Variants in BMP2K observed in about 807,000 individuals in gnomAD.
The protein encoded by BMP2K is BMP2 inducible kinase, also known as BMP-2-inducible protein kinase.
In BMP2K, 74 loss-of-function variants were observed where a neutral mutation model predicts 116.0. The ratio of observed to expected loss-of-function variants is 0.64; its 90% CI spans 0.53 to 0.77. The LOEUF is 0.77. BMP2K is among the 30% of genes least tolerant of loss of function. BMP2K has a pLI of 0.00. For missense variants in BMP2K, 1,365 were observed against 1,403.6 expected, an observed-to-expected ratio of 0.97 and a Z score of 0.44; for synonymous variants, 486 against 502.5, an observed-to-expected ratio of 0.97 and a Z score of 0.44.
chr4:78,790,267 C>T (rs186584197), intron 1 of BMP2K, among the ~76,000 whole-genome samples: 4 of 152,218 alleles, frequency 2.6e-5, no homozygotes, highest in Admixed American at 2.6e-4. Flanking sequence ...CTAAACTAAA[C>T]TTACTTGGAA....
At chr4:78,869,672 T>C (rs1454970186) in intron 10 of BMP2K, among the ~76,000 whole-genome samples, 1 of 152,156 alleles carries the variant, frequency 6.6e-6, no homozygotes, top group Non-Finnish European at 1.5e-5. Context: ...AAAATAAAAA[T>C]TTTCAAGGTG....
chr4:78,844,897 T>A (rs778370791), intron 4 of BMP2K, 31 bp from the exon 5 acceptor site: 1 of 1,542,010 alleles, frequency 6.5e-7, no homozygotes, highest in Admixed American at 1.7e-5. Flanking sequence ...ACTTTGAAAA[T>A]ACTACTCATT....
At chr4:78,836,796 T>C (rs1422189025) in intron 3 of BMP2K, among the ~76,000 whole-genome samples, 3 of 152,244 alleles carry the variant, frequency 2.0e-5, no homozygotes, top group Non-Finnish European at 4.4e-5. Context: ...TGATCCAGAA[T>C]TTTGAGGACA....
intron 1 of BMP2K, among the ~76,000 whole-genome samples, chr4:78,793,423 AAATT>A (rs1359487818): frequency 6.6e-6 from 1 of 151,724 alleles, no homozygotes; most frequent in Non-Finnish European, 1.5e-5. Flanking sequence ...AAAAAAAAAA[AAATT>A]AAAAAAAAAG....
At chr4:78,881,641 A>T (rs1463938872) in intron 14 of BMP2K, among the ~76,000 whole-genome samples, 2 of 152,110 alleles carry the variant, frequency 1.3e-5, no homozygotes, top group Admixed American at 1.3e-4. Context: ...TATTTGATCT[A>T]TTTGATGAGT....
intron 1 of BMP2K, among the ~76,000 whole-genome samples, chr4:78,798,551 C>G (rs1355162005): frequency 6.6e-6 from 1 of 152,170 alleles, no homozygotes; most frequent in African/African-American, 2.4e-5. Context: ...AAAGGAATGA[C>G]TGTTAACGGT....
chr4:78,824,651 A>G (rs1238645571), intron 1 of BMP2K, among the ~76,000 whole-genome samples: 1 of 152,118 alleles, frequency 6.6e-6, no homozygotes, highest in African/African-American at 2.4e-5. Context: ...ATGTATTCCT[A>G]ATAGTTTTTT....
intron 1 of BMP2K, among the ~76,000 whole-genome samples, chr4:78,814,769 A>C (rs980553854): frequency 1.1e-4 from 16 of 151,330 alleles, no homozygotes; most frequent in Admixed American, 3.3e-4. Context: ...TGTCAAGGGC[A>C]AAAAAAAATT....
chr4:78,837,377 T>C (rs1281471864), intron 3 of BMP2K, among the ~76,000 whole-genome samples: 3 of 151,986 alleles, frequency 2.0e-5, no homozygotes, highest in Non-Finnish European at 4.4e-5. Flanking sequence ...GTAATTTTAG[T>C]AGAGATGGGG....
At chr4:78,848,066 A>G (rs1410981169) in intron 6 of BMP2K, among the ~76,000 whole-genome samples, 2 of 151,608 alleles carry the variant, frequency 1.3e-5, no homozygotes, top group African/African-American at 4.8e-5. Context: ...TAGAAACCAA[A>G]TGAATATCTC....
intron 15 of BMP2K, among the ~76,000 whole-genome samples, chr4:78,895,171 T>TA (rs1313708134): frequency 1.3e-5 from 2 of 152,198 alleles, no homozygotes; most frequent in Non-Finnish European, 2.9e-5. Context: ...CACATGCTTT[T>TA]AAAAAAATGG....
At chr4:78,787,956 T>C (rs1422032565) in intron 1 of BMP2K, among the ~76,000 whole-genome samples, 1 of 152,210 alleles carries the variant, frequency 6.6e-6, no homozygotes, top group Admixed American at 6.5e-5. Context: ...TGCCTGGAGC[T>C]TTATACATAA....
chr4:78,776,352 C>T lies in BMP2K; in HGVS notation c.-192C>T. On this transcript the variant is annotated 5_prime_UTR_variant, in exon 1 of 16. Transcript: ENST00000502613. ...ACCGCCCTCTGCGGGAGCCGGGCAG[C>T]TGCAGCGGAGCCGCGGAGCGGGCGG... 4.6e-6 allele frequency: 2 copies of T among 437,548 alleles called. No homozygotes were observed. Among genetic ancestry groups the T allele is most frequent in the Non-Finnish European group, 6.3e-6 (2 of 315,042 alleles). 27.1% of individuals were successfully genotyped at this position (437,548 alleles called of 1,614,324 possible). A position where few individuals can be genotyped will look rare whatever the true frequency, so the allele number is the denominator to read the frequency against.
chr4:78,808,375 C>T (rs1279390517), intron 1 of BMP2K, among the ~76,000 whole-genome samples: 4 of 151,520 alleles, frequency 2.6e-5, no homozygotes, highest in East Asian at 1.9e-4. Flanking sequence ...ACACCATTCT[C>T]CCGCCTCACC....
At chr4:78,817,846 A>G (rs1475930027) in intron 1 of BMP2K, among the ~76,000 whole-genome samples, 1 of 152,114 alleles carries the variant, frequency 6.6e-6, no homozygotes, top group African/African-American at 2.4e-5. Context: ...TGATGACTTA[A>G]CCTCTTAGCA....
chr4:78,856,094 AG>A (rs1731493982), intron 7 of BMP2K, among the ~76,000 whole-genome samples: 1 of 152,218 alleles, frequency 6.6e-6, no homozygotes. Context: ...GTCATGAAGT[AG>A]CAATTAATAA....
intron 2 of BMP2K, among the ~76,000 whole-genome samples, chr4:78,829,806 T>TCTTCTCTTCC (rs1482211944): frequency 7.2e-6 from 1 of 138,048 alleles, no homozygotes; most frequent in African/African-American, 3.1e-5. Flanking sequence ...TCTTCTCTTC[T>TCTTCTCTTCC]CTTCTCTTCT....
At chr4:78,794,679 C>G (rs904475602) in intron 1 of BMP2K, among the ~76,000 whole-genome samples, 5 of 152,174 alleles carry the variant, frequency 3.3e-5, no homozygotes, top group African/African-American at 4.8e-5. Flanking sequence ...CTTCCCACCT[C>G]TGCTTCCTGA....
intron 10 of BMP2K, among the ~76,000 whole-genome samples, chr4:78,866,055 T>C (rs1732033629): frequency 6.6e-6 from 1 of 152,216 alleles, no homozygotes; most frequent in Admixed American, 6.5e-5. Context: ...CTATGTTATA[T>C]GAGAAAGAAA....
Sources: allele counts gnomAD v4.1 joint callset (sites outside exome capture counted in the v4.1 genomes callset), GRCh38; gene constraint gnomAD v4.1.1; transcripts MANE v1.5; gene names NCBI Gene and HGNC (gene_info 2026-07-23, HGNC 2026-07-21).